PTPRO: variants seen among roughly 807,000 people sequenced by gnomAD.
PTPRO encodes protein tyrosine phosphatase receptor type O, also known as receptor-type tyrosine-protein phosphatase O.
PTPRO carries 62 observed loss-of-function variants against 145.2 expected under a neutral mutation model. The observed-to-expected ratio is 0.43, with a 90% confidence interval of 0.35 to 0.53. The LOEUF (loss-of-function observed/expected upper bound fraction) is 0.53, where lower values mean the gene tolerates loss of function less well. PTPRO is among the 20% of genes least tolerant of loss of function. PTPRO has a pLI of 0.01. For synonymous variants in PTPRO, 565 were observed against 514.7 expected (o/e 1.10, Z -1.32); for missense variants, 1,345 against 1,482.7 (o/e 0.91, Z 1.53).
chr12:15,497,750 G>A (rs1942137845), intron 3 of PTPRO, among the ~76,000 whole-genome samples: 1 of 152,188 alleles, frequency 6.6e-6, no homozygotes, highest in South Asian at 2.1e-4. Context: ...TGATAGATGG[G>A]CATTTCTGGG....
Position 15,577,420 on chromosome 12 carries a change from A to G in PTPRO, c.2830-1433A>G, listed in dbSNP as rs560755243. On this transcript the variant is annotated intron_variant, in intron 19 of 26. Coordinates refer to ENST00000281171, the MANE Select transcript of PTPRO (RefSeq NM_030667.3). ...TTAATAAAGCATGTGCTTTGCAAAG[A>G]GCACTTGAATAAAGACACAAAGGGC... 2.0e-5 allele frequency among the ~76,000 whole-genome samples: 3 copies of G among 152,326 alleles called. No homozygotes were observed. In the East Asian group the frequency reaches 5.8e-4, roughly 29 times the overall value.
chr12:15,466,576 C>A (rs192729253), intron 1 of PTPRO, among the ~76,000 whole-genome samples: 3 of 152,212 alleles, frequency 2.0e-5, no homozygotes, highest in Non-Finnish European at 4.4e-5. Flanking sequence ...CCTTTTTAGA[C>A]CATCAAAATT....
chr12:15,543,679 A>G (rs1591708904), intron 12 of PTPRO, among the ~76,000 whole-genome samples: 1 of 152,352 alleles, frequency 6.6e-6, no homozygotes, highest in East Asian at 1.9e-4. Context: ...AAAGAATCTA[A>G]TAGGATCTAC....
intron 6 of PTPRO, among the ~76,000 whole-genome samples, chr12:15,506,132 C>G (rs1396805495): frequency 1.3e-5 from 2 of 152,184 alleles, no homozygotes; most frequent in Non-Finnish European, 2.9e-5. Flanking sequence ...TAAGGTAAAA[C>G]TATTAAATAA....
intron 1 of PTPRO, among the ~76,000 whole-genome samples, chr12:15,339,012 TA>T (rs1220091045): frequency 1.3e-5 from 2 of 152,184 alleles, no homozygotes; most frequent in Non-Finnish European, 2.9e-5. Context: ...AAGGGCAATA[TA>T]TGAGTTAATA....
chr12:15,399,093 GATCTCATA>G (rs2136296611), intron 1 of PTPRO, among the ~76,000 whole-genome samples: 1 of 152,256 alleles, frequency 6.6e-6, no homozygotes, highest in South Asian at 2.1e-4. Context: ...CCCTCTCAAT[GATCTCATA>G]ATACTAAATA....
At chr12:15,440,282 A>C in intron 1 of PTPRO, 1 of 580,378 alleles carries the variant, frequency 1.7e-6, no homozygotes. Flanking sequence ...CCTGACCCCC[A>C]ACCTCCGGAA....
At chr12:15,472,610 C>T (rs1301272075) in intron 1 of PTPRO, among the ~76,000 whole-genome samples, 1 of 152,224 alleles carries the variant, frequency 6.6e-6, no homozygotes, top group Non-Finnish European at 1.5e-5. Flanking sequence ...CCCTCACACC[C>T]ATCTGCAGGA....
chr12:15,439,241 C>G (rs1444470640), intron 1 of PTPRO, among the ~76,000 whole-genome samples: 1 of 152,154 alleles, frequency 6.6e-6, no homozygotes, highest in Non-Finnish European at 1.5e-5. Context: ...TTCATTACCA[C>G]TAGACCAGCC....
intron 3 of PTPRO, 121 bp from the exon 4 acceptor site, chr12:15,499,321 A>G (rs1942170790): frequency 3.0e-6 from 3 of 998,828 alleles, no homozygotes; most frequent in Non-Finnish European, 3.1e-6. Flanking sequence ...ATTACTGCCC[A>G]TAACAGTAGT....
At chr12:15,524,762 A>G in intron 10 of PTPRO, 52 bp from the exon 11 acceptor site, 1 of 1,551,672 alleles carries the variant, frequency 6.4e-7, no homozygotes, top group Non-Finnish European at 8.9e-7. Context: ...GCTGGTAAGT[A>G]CTTTATTTAT....
At chr12:15,402,843 G>C (rs1939537775) in intron 1 of PTPRO, among the ~76,000 whole-genome samples, 1 of 152,060 alleles carries the variant, frequency 6.6e-6, no homozygotes, top group Non-Finnish European at 1.5e-5. Flanking sequence ...GTAAAGGATA[G>C]TTTTAAAATA....
intron 1 of PTPRO, among the ~76,000 whole-genome samples, chr12:15,437,137 A>T (rs1182317673): frequency 6.6e-6 from 1 of 151,796 alleles, no homozygotes; most frequent in African/African-American, 2.4e-5. Context: ...TCTGTGCTCC[A>T]TGCCCAAGCA....
intron 1 of PTPRO, among the ~76,000 whole-genome samples, chr12:15,405,430 T>C (rs571597807): frequency 1.3e-5 from 2 of 152,192 alleles, no homozygotes; most frequent in Non-Finnish European, 2.9e-5. Flanking sequence ...TGACAGTGTA[T>C]CTCATATTAA....
rs1296822374 is a variant in PTPRO, at chr12:15,532,202, T to C, written c.2164+5940T>C. Among the ~76,000 whole-genome samples, 6 of 152,276 alleles carry C rather than the reference T, an allele frequency of 3.9e-5. No individual in the cohort carries two copies. The South Asian group carries it at 1.0e-3, about 26-fold the overall frequency. On this transcript the variant is annotated intron_variant, in intron 12 of 26. Coordinates refer to ENST00000281171, the MANE Select transcript of PTPRO (RefSeq NM_030667.3). The stretch of plus-strand genomic sequence containing the variant: ...AAATTGTATAGGTAATTTGGAAATA[T>C]GTGATGTGTTGATTAGACACTATGG...
intron 23 of PTPRO, 110 bp from the exon 24 acceptor site, chr12:15,586,787 C>T: frequency 5.8e-6 from 7 of 1,214,604 alleles, no homozygotes; most frequent in African/African-American, 1.5e-5. Flanking sequence ...GTGTACTGAC[C>T]AGGAGTGGAA....
chr12:15,476,196 C>A (rs1941649323), intron 1 of PTPRO, among the ~76,000 whole-genome samples: 1 of 151,972 alleles, frequency 6.6e-6, no homozygotes, highest in Non-Finnish European at 1.5e-5. Context: ...TATTTCAATG[C>A]TGATGAATTT....
chr12:15,460,959 G>C (rs1283280851), intron 1 of PTPRO, among the ~76,000 whole-genome samples: 1 of 152,086 alleles, frequency 6.6e-6, no homozygotes, highest in Non-Finnish European at 1.5e-5. Flanking sequence ...CATCTAAATG[G>C]ACTTCCTCTT....
At chr12:15,578,708 G>A in intron 19 of PTPRO, 145 bp from the exon 20 acceptor site, 1 of 690,538 alleles carries the variant, frequency 1.4e-6, no homozygotes, top group Non-Finnish European at 2.6e-6. Context: ...GCAAGTTGAT[G>A]ATAGTGGGGT....
Sources: gnomAD v4.1 joint callset for allele counts (sites outside exome capture counted in the v4.1 genomes callset) on GRCh38, gnomAD v4.1.1 for gene constraint, MANE v1.5 for transcripts, NCBI Gene and HGNC (gene_info 2026-07-23, HGNC 2026-07-21) for gene names.